PEPD: variants seen among roughly 807,000 people sequenced by gnomAD.
The protein encoded by PEPD is xaa-Pro dipeptidase.
In PEPD, 53 loss-of-function variants were observed where a neutral mutation model predicts 60.7. The ratio of observed to expected loss-of-function variants is 0.87; its 90% CI spans 0.70 to 1.10. PEPD has a LOEUF of 1.10. Ranked by LOEUF, PEPD falls within the 50% of genes least tolerant of loss-of-function variation. The probability of loss-of-function intolerance (pLI) is 0.00; values close to 1 mark genes in which losing one functional copy is unlikely to be tolerated. For missense variants in PEPD, 711 were observed against 711.9 expected (o/e 1.00, Z 0.01); for synonymous variants, 267 against 284.1 (o/e 0.94, Z 0.60).
chr19:33,453,931 C>G (rs549661302), intron 9 of PEPD, among the ~76,000 whole-genome samples: 2 of 152,312 alleles, frequency 1.3e-5, no homozygotes, highest in African/African-American at 2.4e-5. Context: ...TTCTTAAAGT[C>G]CTGATAAACC....
chr19:33,502,184 G>A (rs191872106), intron 3 of PEPD, among the ~76,000 whole-genome samples: 1 of 152,278 alleles, frequency 6.6e-6, no homozygotes, highest in Admixed American at 6.5e-5. Context: ...GTCCAATGAC[G>A]CACACATACT....
chr19:33,490,906 G>A (rs1568498772), intron 5 of PEPD, among the ~76,000 whole-genome samples: 2 of 151,972 alleles, frequency 1.3e-5, no homozygotes, highest in South Asian at 2.1e-4. Context: ...CAAGTGATCC[G>A]CGTACCTCGG....
chr19:33,463,497 C>T (rs997725221), intron 8 of PEPD, among the ~76,000 whole-genome samples: 9 of 152,212 alleles, frequency 5.9e-5, no homozygotes, highest in African/African-American at 2.2e-4. Flanking sequence ...CTGCAATGTT[C>T]CTGAGCAGAC....
intron 9 of PEPD, among the ~76,000 whole-genome samples, chr19:33,436,274 G>A (rs1568470226): frequency 1.3e-5 from 2 of 151,994 alleles, no homozygotes; most frequent in African/African-American, 2.4e-5. Flanking sequence ...GAGGAGGAGT[G>A]AGAAGAGAAA....
intron 6 of PEPD, among the ~76,000 whole-genome samples, chr19:33,481,010 C>A (rs1970304759): frequency 6.6e-6 from 1 of 151,906 alleles, no homozygotes; most frequent in Admixed American, 6.6e-5. Context: ...GCCCTCTGAC[C>A]ACAATGGAAT....
At chr19:33,517,581 C>CA (rs987880282) in intron 1 of PEPD, among the ~76,000 whole-genome samples, 15 of 145,372 alleles carry the variant, frequency 1.0e-4, no homozygotes, top group African/African-American at 3.0e-4. Flanking sequence ...AAACAAAAAA[C>CA]AAAAAAAAAC....
intron 9 of PEPD, among the ~76,000 whole-genome samples, chr19:33,446,928 C>T (rs1461878541): frequency 6.6e-6 from 1 of 152,222 alleles, no homozygotes; most frequent in African/African-American, 2.4e-5. Context: ...GAAAGTAAAA[C>T]AGCACCAGCA....
chr19:33,389,972 C>T (rs1968175223), intron 13 of PEPD, among the ~76,000 whole-genome samples: 1 of 152,344 alleles, frequency 6.6e-6, no homozygotes, highest in South Asian at 2.1e-4. Context: ...GCCCAGGAAG[C>T]GCAGCCTTCA....
chr19:33,407,007 C>T (rs1968643659), intron 11 of PEPD, among the ~76,000 whole-genome samples: 1 of 152,172 alleles, frequency 6.6e-6, no homozygotes, highest in South Asian at 2.1e-4. Flanking sequence ...CCTGAGACAA[C>T]ACTGCCCTCT....
chr19:33,494,799 C>A (rs1268414299), intron 4 of PEPD, among the ~76,000 whole-genome samples: 1 of 152,190 alleles, frequency 6.6e-6, no homozygotes, highest in Non-Finnish European at 1.5e-5. Context: ...AAAATAACAG[C>A]GCAGCCCAGA....
intron 9 of PEPD, among the ~76,000 whole-genome samples, chr19:33,455,842 C>T (rs1456489246): frequency 1.3e-5 from 2 of 152,014 alleles, no homozygotes; most frequent in African/African-American, 4.8e-5. Context: ...AATGGTGAAA[C>T]ACTAGAGGAA....
intron 9 of PEPD, among the ~76,000 whole-genome samples, chr19:33,450,717 G>T (rs922605322): frequency 1.3e-5 from 2 of 152,152 alleles, no homozygotes; most frequent in Non-Finnish European, 2.9e-5. Flanking sequence ...AAAGGAAAAA[G>T]AAGTTATATA....
chr19:33,387,951 T>C lies in PEPD; in HGVS notation c.1283A>G (p.Asp428Gly). 1 of 1,597,272 alleles carries C rather than the reference T, an allele frequency of 6.3e-7. No homozygotes were observed. The highest frequency in any genetic ancestry group is 8.5e-7 in the Non-Finnish European group (1 of 1,172,752). ...IDHLLDEALADPARASFLNRE... is the reference protein window; with the variant it reads ...IDHLLDEALAGPARASFLNRE... Reference sequence around the variant, plus strand: ...GTTAAGGAAGGAGGCGCGGGCCGGGTCCGCCAGGGCCTCATCCAGGAGGTG... The same window carrying C: ...GTTAAGGAAGGAGGCGCGGGCCGGGCCCGCCAGGGCCTCATCCAGGAGGTG... The change falls in exon 14 of 15, where the codon GAC becomes GGC. Residue 428 changes from aspartate to glycine, a missense_variant. Asp to Gly is a moderately conservative substitution (Grantham distance 94, BLOSUM62 -1). Transcript: ENST00000244137.
At chr19:33,399,575 C>A (rs1968441017) in intron 12 of PEPD, among the ~76,000 whole-genome samples, 1 of 152,052 alleles carries the variant, frequency 6.6e-6, no homozygotes, top group Non-Finnish European at 1.5e-5. Flanking sequence ...GGACTGGGCA[C>A]CATCTGCAAA....
intron 11 of PEPD, among the ~76,000 whole-genome samples, chr19:33,406,602 C>T (rs1489512576): frequency 2.6e-5 from 4 of 152,190 alleles, no homozygotes; most frequent in South Asian, 2.1e-4. Flanking sequence ...CTGGGGGCAA[C>T]GCTCTACCCT....
chr19:33,413,126 C>T (rs574641228), intron 10 of PEPD, among the ~76,000 whole-genome samples: 14 of 152,348 alleles, frequency 9.2e-5, no homozygotes, highest in South Asian at 2.1e-4. Context: ...CTGGTCCCCA[C>T]GCAGCCACAC....
chr19:33,503,494 A>T (rs1970747944), intron 3 of PEPD, among the ~76,000 whole-genome samples: 1 of 152,164 alleles, frequency 6.6e-6, no homozygotes, highest in African/African-American at 2.4e-5. Context: ...ATTGATGACG[A>T]GCGCCTCGCC....
At chr19:33,408,850 T>C (rs1044485912) in intron 11 of PEPD, among the ~76,000 whole-genome samples, 1 of 152,222 alleles carries the variant, frequency 6.6e-6, no homozygotes, top group Non-Finnish European at 1.5e-5. Flanking sequence ...GCTCGGCAGA[T>C]CAATTTCAAT....
At chr19:33,402,567 T>G (rs1968523324) in intron 11 of PEPD, among the ~76,000 whole-genome samples, 1 of 152,180 alleles carries the variant, frequency 6.6e-6, no homozygotes, top group African/African-American at 2.4e-5. Flanking sequence ...GGACATATTC[T>G]GCCAGGGCCC....
Sources: gnomAD v4.1 joint callset for allele counts (sites outside exome capture counted in the v4.1 genomes callset) on GRCh38, gnomAD v4.1.1 for gene constraint, MANE v1.5 for transcripts, NCBI Gene and HGNC (gene_info 2026-07-23, HGNC 2026-07-21) for gene names.